The following MTG1 variants were observed in gnomAD, a reference collection of about 807,000 sequenced individuals.
MTG1 encodes mitochondrial ribosome-associated GTPase 1.
A neutral mutation model predicts 39.5 loss-of-function variants in MTG1; 30 were observed. The observed-to-expected ratio is 0.76, with a 90% confidence interval of 0.57 to 1.03. The LOEUF (loss-of-function observed/expected upper bound fraction) is 1.03, where lower values mean the gene tolerates loss of function less well. Ranked by LOEUF, MTG1 falls within the 50% of genes least tolerant of loss-of-function variation. MTG1 has a pLI of 0.00. For missense variants in MTG1, 513 were observed against 447.4 expected (o/e 1.15, Z -1.32); for synonymous variants, 217 against 179.0 (o/e 1.21, Z -1.69).
intron 9 of MTG1, among the ~76,000 whole-genome samples, chr10:133,411,031 G>T (rs565682804): frequency 1.6e-4 from 25 of 152,290 alleles, no homozygotes; most frequent in African/African-American, 6.0e-4. Flanking sequence ...GTATTATTCT[G>T]AGTCTGTGTG....
At chr10:133,414,824 G>GTGGAGGT (rs1055112281) in intron 9 of MTG1, among the ~76,000 whole-genome samples, 6 of 152,256 alleles carry the variant, frequency 3.9e-5, no homozygotes, top group African/African-American at 1.2e-4. Flanking sequence ...CGGCTGGGAG[G>GTGGAGGT]TGGAGGTTGT....
intron 9 of MTG1, among the ~76,000 whole-genome samples, chr10:133,416,469 T>C (rs1589919077): frequency 6.6e-6 from 1 of 151,742 alleles, no homozygotes; most frequent in Non-Finnish European, 1.5e-5. Context: ...TAGTTACATA[T>C]GTACACATGT....
chr10:133,407,735 A>AT (rs1849988776), intron 9 of MTG1, among the ~76,000 whole-genome samples: 1 of 151,464 alleles, frequency 6.6e-6, no homozygotes, highest in Non-Finnish European at 1.5e-5. Context: ...CGCCTGGCTC[A>AT]TTTTTTATAA....
chr10:133,402,859 C>A lies in MTG1; in HGVS notation c.752+86C>A. On this transcript the variant is annotated intron_variant, in intron 9 of 10. Coordinates refer to ENST00000317502, the MANE Select transcript of MTG1 (RefSeq NM_138384.4). This position sits in a 1 kb window ranked among gnomAD's most constrained non-coding sequence, Gnocchi z 4.7. ...AAAAAACAAACAAAAAAACCCCCAGCATTATAAAGGTATTATAAACACGGT... is the reference window on the plus strand; with the variant it reads ...AAAAAACAAACAAAAAAACCCCCAGAATTATAAAGGTATTATAAACACGGT... 1 of 1,043,820 alleles carries A rather than the reference C, an allele frequency of 9.6e-7. No homozygotes were observed. Among genetic ancestry groups the A allele is most frequent in the Non-Finnish European group, 1.4e-6 (1 of 718,856 alleles). The allele number at this position is 1,043,820 out of a possible 1,614,324, so 64.7% of individuals were successfully genotyped here. A position where few individuals can be genotyped will look rare whatever the true frequency, so the allele number is the denominator to read the frequency against.
In MTG1 at chr10:133,420,169, T is replaced by TG. The variant is rs781026302; in HGVS notation, c.*5dup. ...CCCGGCTGAGACTTTGCCCTGAACT[T>TG]GTCCGGGTAGGGAGGGCCGGAGGCA... is the stretch of plus-strand genomic sequence containing the variant. On this transcript the variant is annotated 3_prime_UTR_variant, in exon 11 of 11. Transcript: ENST00000317502. The TG allele has an allele frequency of 5.6e-6, 9 of 1,606,444 alleles. No homozygotes were observed. Among genetic ancestry groups the TG allele is most frequent in the African/African-American group, 1.3e-5 (1 of 74,846 alleles).
intron 6 of MTG1, 106 bp from the exon 7 acceptor site, chr10:133,401,423 T>TC: frequency 1.1e-6 from 1 of 913,872 alleles, no homozygotes; most frequent in South Asian, 1.8e-5. Context: ...TTACATAGTC[T>TC]CCCTGCTTGG....
chr10:133,401,529 G>T lies in MTG1; in HGVS notation c.512G>T (p.Gly171Val). 1 of 1,569,300 alleles carries T rather than the reference G, an allele frequency of 6.4e-7. No homozygotes were observed. The highest frequency in any genetic ancestry group is 8.6e-7 in the Non-Finnish European group (1 of 1,157,664). ...GCCTCCTTTTCTCCTTTTCCTACAG[G>T]GAAAGCCACCAGGGTGGGTGGCGAG... Reference protein sequence around the residue: ...NSLRRQHLRKGKATRVGGEPG... With the variant: ...NSLRRQHLRKVKATRVGGEPG... The change falls in exon 7 of 11, where the codon GGG (glycine) becomes GTG (valine). Residue 171 changes from glycine (G) to valine (V), a missense_variant and splice_region_variant. Physicochemically the swap from Gly to Val is moderately radical, Grantham distance 109. Transcript: ENST00000317502.
intron 9 of MTG1, among the ~76,000 whole-genome samples, chr10:133,409,071 T>C (rs1850008656): frequency 6.6e-6 from 1 of 151,892 alleles, no homozygotes; most frequent in African/African-American, 2.4e-5. Context: ...TTATTTCTCT[T>C]CTTCTACTAA....
intron 9 of MTG1, among the ~76,000 whole-genome samples, chr10:133,407,728 C>T (rs1251103471): frequency 6.6e-6 from 1 of 152,110 alleles, no homozygotes; most frequent in African/African-American, 2.4e-5. Flanking sequence ...GCCACCACGC[C>T]TGGCTCATTT....
Position 133,394,175 on chromosome 10 carries a change from C to T in MTG1, c.-46C>T, listed in dbSNP as rs1849742360. ...GAACCTCAGAGGCGGGTCGCAGCGG[C>T]GCAGAGGAGGTCAGCTGCGGGAGCG... On this transcript the variant is annotated 5_prime_UTR_variant, in exon 1 of 11. Coordinates refer to ENST00000317502, the MANE Select transcript of MTG1 (RefSeq NM_138384.4). The T allele has an allele frequency of 4.2e-6, 6 of 1,418,592 alleles. No individual in the cohort carries two copies. The highest frequency in any genetic ancestry group is 5.7e-6 in the Non-Finnish European group (6 of 1,055,950). The allele number at this position is 1,418,592 out of a possible 1,614,324, so 87.9% of individuals were successfully genotyped here. A position where few individuals can be genotyped will look rare whatever the true frequency, so the allele number is the denominator to read the frequency against.
In MTG1 at chr10:133,394,246, G is replaced by T; in HGVS notation, c.26G>T (p.Cys9Phe). ...ATGAGATTGACCCCGCGCGCGCTGT[G>T]CAGCGCCGCCCAGGCCGCCTGGCGG... is the stretch of plus-strand genomic sequence containing the variant. MRLTPRAL[C>F]SAAQAAWREN... is the part of the protein sequence containing the mutation. Residue 9 changes from cysteine to phenylalanine, a missense_variant, in exon 1 of 11, where the codon TGC becomes TTC. Cys to Phe is a radical substitution (Grantham distance 205). Coordinates refer to ENST00000317502, the MANE Select transcript of MTG1 (RefSeq NM_138384.4). The T allele has an allele frequency of 2.6e-6, 4 of 1,518,286 alleles. No homozygotes were observed. The highest frequency in any genetic ancestry group is 3.5e-6 in the Non-Finnish European group (4 of 1,137,824). The allele number at this position is 1,518,286 out of a possible 1,614,324, so 94.1% of individuals were successfully genotyped here.
At position 133,412,064 on chromosome 10, in the gene MTG1, C is replaced by CA. The variant is rs113119590; in HGVS notation, c.753-7416_753-7415insA. Among the ~76,000 whole-genome samples the CA allele has an allele frequency of 7.9e-3, 1,195 of 151,266 alleles. 19 individuals are homozygous for CA. The highest frequency in any genetic ancestry group is 0.028 in the African/African-American group (1,154 of 41,184). On this transcript the variant is annotated intron_variant, in intron 9 of 10. Transcript: ENST00000317502. ...TTGTTATCCAGGCTTTCCTGTCTGGCTTTTTTTTTCTTGGATGTTTGCTTA... is the reference window on the plus strand; with the variant it reads ...TTGTTATCCAGGCTTTCCTGTCTGGCATTTTTTTTTCTTGGATGTTTGCTTA...
chr10:133,394,557 C>T, intron 1 of MTG1: 5 of 1,337,432 alleles, frequency 3.7e-6, no homozygotes, highest in African/African-American at 1.5e-5. Context: ...AGTGCCCCCG[C>T]GGCGCAGCCT....
rs1849839134 is a variant in MTG1, at chr10:133,399,521, C to G, written c.421-8C>G. The G allele has an allele frequency of 6.2e-7, 1 of 1,613,584 alleles. No individual in the cohort carries two copies. The stretch of plus-strand genomic sequence containing the variant: ...TGGGCCCTGTGACCCCTCTCTCTGC[C>G]TGCGCAGAACCTGGAGTACTGTATC... On this transcript the variant is annotated splice_region_variant and splice_polypyrimidine_tract_variant and intron_variant, in intron 5 of 10. Transcript: ENST00000317502.
At chr10:133,397,797 A>C in intron 3 of MTG1, among the ~76,000 whole-genome samples, 1 of 138,014 alleles carries the variant, frequency 7.2e-6, no homozygotes, top group South Asian at 2.5e-4. Context: ...TTTTTTTTTA[A>C]ATCATCGCAA....
chr10:133,406,173 T>TA (rs1849967851), intron 9 of MTG1, among the ~76,000 whole-genome samples: 1 of 152,256 alleles, frequency 6.6e-6, no homozygotes, highest in Admixed American at 6.5e-5. Flanking sequence ...TGTCCATTTT[T>TA]AAATAGTTAT....
chr10:133,394,611 C>T, intron 1 of MTG1: 1 of 1,293,806 alleles, frequency 7.7e-7, no homozygotes, highest in Non-Finnish European at 9.8e-7. Context: ...GCCCGCCGCC[C>T]CTGTCCTCTG....
In MTG1 at chr10:133,410,160, C is replaced by T. The variant is rs757953070; in HGVS notation, c.752+7387C>T. ...TCCTGGGCTCAAGCAGTCTTCCCAC[C>T]GCAGCCTCCTGATAGTTAGGACTAC... On this transcript the variant is annotated intron_variant, in intron 9 of 10. Coordinates refer to ENST00000317502, the MANE Select transcript of MTG1 (RefSeq NM_138384.4). 3.9e-5 allele frequency among the ~76,000 whole-genome samples: 6 copies of T among 152,230 alleles called. No homozygotes were observed. The East Asian group carries it at 5.8e-4, about 15-fold the overall frequency.
chr10:133,401,504 G>A (rs757354598), intron 6 of MTG1, 25 bp from the exon 7 acceptor site: 2 of 1,541,364 alleles, frequency 1.3e-6, no homozygotes, highest in South Asian at 1.3e-5. Flanking sequence ...ATACATTTGA[G>A]CCTCCTTTTC....
Sources: allele counts gnomAD v4.1 joint callset (sites outside exome capture counted in the v4.1 genomes callset), GRCh38; gene constraint gnomAD v4.1.1; non-coding constraint Gnocchi (gnomAD v3.1); transcripts MANE v1.5; gene names NCBI Gene and HGNC (gene_info 2026-07-23, HGNC 2026-07-21).